Variants in SGCZ observed in about 807,000 individuals in gnomAD.
SGCZ encodes the protein sarcoglycan zeta.
A neutral mutation model predicts 41.3 loss-of-function variants in SGCZ; 40 were observed. The ratio of observed to expected loss-of-function variants is 0.97; its 90% confidence interval spans 0.75 to 1.26. The LOEUF (loss-of-function observed/expected upper bound fraction) is 1.26, where lower values mean the gene tolerates loss of function less well. Among genes scored for constraint, SGCZ ranks in the 50% most tolerant of loss-of-function variants. The pLI is 0.00. For missense variants in SGCZ, 552 were observed against 369.8 expected (o/e 1.49, Z -4.04); for synonymous variants, 206 against 137.5 (o/e 1.50, Z -3.49).
rs952551722 is a variant in SGCZ, at chr8:14,239,650, T to C, written c.337-1971A>G. ...ATAAGAATTATTTCACGCCTGTAAT[T>C]CCAGCACTTTGGGAGGCCGAGGCGG... On this transcript the variant is annotated intron_variant, in intron 3 of 7. Coordinates refer to ENST00000382080, the MANE Select transcript of SGCZ (RefSeq NM_139167.4). Among the ~76,000 whole-genome samples, 206 of 152,024 alleles carry C rather than the reference T, an allele frequency of 1.4e-3. 1 individual carries two copies. The highest frequency in any genetic ancestry group is 5.6e-4 in the Non-Finnish European group (38 of 67,968).
intron 4 of SGCZ, among the ~76,000 whole-genome samples, chr8:14,182,772 G>A (rs1287826738): frequency 6.6e-6 from 1 of 152,066 alleles, no homozygotes; most frequent in Non-Finnish European, 1.5e-5. Flanking sequence ...ACTTTGGGAG[G>A]CCGAGAGGGG....
chr8:14,217,084 G>C (rs1806020879), intron 4 of SGCZ, among the ~76,000 whole-genome samples: 1 of 152,000 alleles, frequency 6.6e-6, no homozygotes, highest in Admixed American at 6.6e-5. Context: ...TCAGGGGATA[G>C]AGACCATCCT....
intron 1 of SGCZ, among the ~76,000 whole-genome samples, chr8:14,934,517 A>T (rs1800021775): frequency 6.6e-6 from 1 of 151,890 alleles, no homozygotes; most frequent in Non-Finnish European, 1.5e-5. Flanking sequence ...ATAATTAGCC[A>T]TTCAGAAGGT....
intron 1 of SGCZ, among the ~76,000 whole-genome samples, chr8:14,985,493 C>G (rs1801799566): frequency 6.6e-6 from 1 of 152,086 alleles, no homozygotes; most frequent in Non-Finnish European, 1.5e-5. Flanking sequence ...TATGAGAAAA[C>G]CAGGGGCTAA....
intron 3 of SGCZ, among the ~76,000 whole-genome samples, chr8:14,252,253 A>G (rs541191785): frequency 6.6e-6 from 1 of 151,940 alleles, no homozygotes; most frequent in African/African-American, 2.4e-5. Context: ...TATGTTACTC[A>G]GCTCTTAAGT....
In SGCZ at chr8:14,198,565, T is replaced by C. The variant is rs1287956605; in HGVS notation, c.425-33863A>G. 3.3e-5 allele frequency among the ~76,000 whole-genome samples: 5 copies of C among 151,134 alleles called. No homozygotes were observed. The East Asian group carries it at 5.9e-4, about 18-fold the overall frequency. ...TCATGTAATATACCTCAGAAACAAA[T>C]TGCACATGTACACCAGAATCTAAAA... On this transcript the variant is annotated intron_variant, in intron 4 of 7. Coordinates refer to ENST00000382080, the MANE Select transcript of SGCZ (RefSeq NM_139167.4).
intron 1 of SGCZ, among the ~76,000 whole-genome samples, chr8:15,055,261 T>C (rs1034841283): frequency 5.3e-5 from 8 of 152,184 alleles, no homozygotes; most frequent in African/African-American, 1.9e-4. Flanking sequence ...ACTGTATACC[T>C]ACCATAGATA....
intron 1 of SGCZ, among the ~76,000 whole-genome samples, chr8:14,810,992 T>A (rs1249432294): frequency 6.6e-6 from 1 of 152,082 alleles, no homozygotes; most frequent in African/African-American, 2.4e-5. Context: ...TAAATTTTGA[T>A]GTACAACATT....
intron 5 of SGCZ, among the ~76,000 whole-genome samples, chr8:14,116,838 G>A (rs1802538455): frequency 6.6e-6 from 1 of 151,968 alleles, no homozygotes; most frequent in Non-Finnish European, 1.5e-5. Context: ...ACCAATGTCT[G>A]GTTTCCTTAA....
At chr8:14,676,576 C>A (rs978405569) in intron 1 of SGCZ, among the ~76,000 whole-genome samples, 2 of 152,032 alleles carry the variant, frequency 1.3e-5, no homozygotes, top group African/African-American at 4.8e-5. Flanking sequence ...GGAAAATAGT[C>A]CAACATTATT....
chr8:14,184,394 TGTAATCCAGA>T (rs1327389319), intron 4 of SGCZ, among the ~76,000 whole-genome samples: 1 of 152,212 alleles, frequency 6.6e-6, no homozygotes, highest in African/African-American at 2.4e-5. Context: ...TTTAGTCTTA[TGTAATCCAGA>T]GTATTAATTA....
chr8:14,455,733 T>C (rs1329890391), intron 2 of SGCZ, among the ~76,000 whole-genome samples: 3 of 152,176 alleles, frequency 2.0e-5, no homozygotes, highest in Non-Finnish European at 2.9e-5. Context: ...TTGAATAAAT[T>C]ATGGCACATT....
chr8:14,635,455 G>C (rs183052320), intron 1 of SGCZ, among the ~76,000 whole-genome samples: 1 of 152,022 alleles, frequency 6.6e-6, no homozygotes, highest in Admixed American at 6.6e-5. Context: ...CAAGTGTTAT[G>C]TGACAACTAC....
At position 15,111,768 on chromosome 8, in the gene SGCZ, C is replaced by T. The variant is rs908762665; in HGVS notation, c.39+125817G>A. Among the ~76,000 whole-genome samples, 6 of 151,926 alleles carry T rather than the reference C, an allele frequency of 3.9e-5. No homozygotes were observed. The South Asian group carries it at 6.2e-4, about 16-fold the overall frequency. On this transcript the variant is annotated intron_variant, in intron 1 of 7. Transcript: ENST00000382080. Reference sequence around the variant, plus strand: ...TACAAAAATTAGCTGGGTGTGGTGGCGCGTGTCTGTAATCCCAGCTACTTG... The same window carrying T: ...TACAAAAATTAGCTGGGTGTGGTGGTGCGTGTCTGTAATCCCAGCTACTTG...
At chr8:14,395,514 C>A (rs543159993) in intron 2 of SGCZ, among the ~76,000 whole-genome samples, 1 of 152,116 alleles carries the variant, frequency 6.6e-6, no homozygotes, top group Admixed American at 6.5e-5. Flanking sequence ...CAACAGAGTC[C>A]AAAGGTCCAA....
intron 2 of SGCZ, among the ~76,000 whole-genome samples, chr8:14,397,457 TA>T (rs1177619312): frequency 2.0e-5 from 3 of 152,140 alleles, no homozygotes; most frequent in African/African-American, 7.2e-5. Flanking sequence ...TGCATTACCA[TA>T]AAATAATTAT....
intron 3 of SGCZ, among the ~76,000 whole-genome samples, chr8:14,254,836 G>A (rs1360450282): frequency 6.6e-6 from 1 of 152,086 alleles, no homozygotes; most frequent in Non-Finnish European, 1.5e-5. Context: ...TAGAAAGTGT[G>A]AGGAACTGAT....
intron 1 of SGCZ, among the ~76,000 whole-genome samples, chr8:15,087,342 T>G (rs917110218): frequency 6.6e-6 from 1 of 152,108 alleles, no homozygotes; most frequent in Non-Finnish European, 1.5e-5. Context: ...CCTGTGTACA[T>G]CTCAGCACAG....
intron 1 of SGCZ, among the ~76,000 whole-genome samples, chr8:15,193,699 G>A (rs1585660090): frequency 6.6e-6 from 1 of 151,212 alleles, no homozygotes; most frequent in Admixed American, 6.6e-5. Flanking sequence ...TCCTATTTCT[G>A]GCTGAAATAT....
Sources: allele counts gnomAD v4.1 joint callset (sites outside exome capture counted in the v4.1 genomes callset), GRCh38; gene constraint gnomAD v4.1.1; transcripts MANE v1.5; gene names NCBI Gene and HGNC (gene_info 2026-07-23, HGNC 2026-07-21).